HDAC9: variants seen among roughly 807,000 people sequenced by gnomAD.
HDAC9 encodes the protein histone deacetylase 9, also known as MEF-2 interacting transcription repressor (MITR) protein.
HDAC9 carries 41 observed loss-of-function variants against 139.4 expected under a neutral mutation model. The observed-to-expected ratio is 0.29, with a 90% confidence interval of 0.23 to 0.38. HDAC9 has a LOEUF of 0.38. Among genes scored for constraint, HDAC9 ranks in the 10% least tolerant of loss-of-function variants. The pLI is 1.00. For missense variants in HDAC9, 1,147 were observed against 1,297.0 expected (o/e 0.88, Z 1.78); for synonymous variants, 517 against 476.2 (o/e 1.09, Z -1.12).
chr7:18,528,288 C>G (rs945297357), intron 2 of HDAC9, among the ~76,000 whole-genome samples: 1 of 149,760 alleles, frequency 6.7e-6, no homozygotes, highest in East Asian at 1.9e-4. Context: ...AATTAATTTG[C>G]TTATTTTTCA....
chr7:18,695,433 A>C (rs1172792963), intron 12 of HDAC9, among the ~76,000 whole-genome samples: 1 of 152,224 alleles, frequency 6.6e-6, no homozygotes. Context: ...TTTATATGAC[A>C]CAGTCCATGT....
At chr7:18,559,519 G>C (rs1050608288) in intron 2 of HDAC9, among the ~76,000 whole-genome samples, 9 of 152,148 alleles carry the variant, frequency 5.9e-5, no homozygotes, top group Admixed American at 6.5e-5. Context: ...TGAGGAGGAG[G>C]GGGTAGGGAC....
At chr7:18,972,156 G>T (rs1378499237) in intron 24 of HDAC9, among the ~76,000 whole-genome samples, 1 of 152,114 alleles carries the variant, frequency 6.6e-6, no homozygotes, top group Non-Finnish European at 1.5e-5. Flanking sequence ...CAAATTTATT[G>T]TAACATCCAA....
intron 1 of HDAC9, among the ~76,000 whole-genome samples, chr7:18,408,513 A>C (rs1788231391): frequency 6.6e-6 from 1 of 152,226 alleles, no homozygotes; most frequent in South Asian, 2.1e-4. Context: ...AAAGGAAAAT[A>C]GCTCTTCCTG....
intron 6 of HDAC9, among the ~76,000 whole-genome samples, chr7:18,601,011 C>T (rs990870139): frequency 1.3e-5 from 2 of 152,046 alleles, no homozygotes; most frequent in African/African-American, 2.4e-5. Context: ...GCTATGTTGA[C>T]CAAGTTACTT....
intron 21 of HDAC9, among the ~76,000 whole-genome samples, chr7:18,862,816 G>A (rs1030880655): frequency 1.3e-5 from 2 of 152,016 alleles, no homozygotes; most frequent in African/African-American, 2.4e-5. Flanking sequence ...GAATTATGAA[G>A]ACAGAAAGAG....
intron 24 of HDAC9, among the ~76,000 whole-genome samples, chr7:18,963,617 C>G (rs1233081632): frequency 6.6e-6 from 1 of 152,098 alleles, no homozygotes; most frequent in Admixed American, 6.6e-5. Flanking sequence ...CATTTATTTT[C>G]ACTTCTTCAT....
intron 11 of HDAC9, among the ~76,000 whole-genome samples, chr7:18,654,452 C>T (rs1217380493): frequency 3.3e-5 from 5 of 152,040 alleles, no homozygotes; most frequent in Non-Finnish European, 5.9e-5. Flanking sequence ...AGAATTCTTA[C>T]GTCTATCTTC....
At chr7:18,486,883 G>T (rs1796013633) in intron 1 of HDAC9, among the ~76,000 whole-genome samples, 1 of 152,068 alleles carries the variant, frequency 6.6e-6, no homozygotes, top group South Asian at 2.1e-4. Flanking sequence ...AAATAAGTAT[G>T]AATGGAAGTG....
At position 18,180,265 on chromosome 7, in the gene HDAC9, A is replaced by ACACCCCCC. The variant is rs568367952; in HGVS notation, c.25+17919_25+17920insCCCCCCAC. Among the ~76,000 whole-genome samples, 662 of 151,326 alleles carry ACACCCCCC rather than the reference A, an allele frequency of 4.4e-3. 4 individuals carry two copies. The highest frequency in any genetic ancestry group is 6.7e-3 in the Non-Finnish European group (457 of 67,794). Reference sequence around the variant, plus strand: ...CACACACACACACACACACACACACACACACACACCACATTCTTAACCTAT... The same window carrying ACACCCCCC: ...CACACACACACACACACACACACACACACCCCCCCACACACACCACATTCTTAACCTAT... On this transcript the variant is annotated intron_variant, in intron 2 of 12. Transcript: ENST00000417496.
intron 13 of HDAC9, among the ~76,000 whole-genome samples, chr7:18,733,845 C>G (rs1786631288): frequency 6.6e-6 from 1 of 152,022 alleles, no homozygotes; most frequent in African/African-American, 2.4e-5. Context: ...GGGTTTAGCA[C>G]TGAAGAGTAG....
intron 8 of HDAC9, among the ~76,000 whole-genome samples, chr7:18,636,211 A>C (rs947539169): frequency 2.0e-5 from 3 of 152,074 alleles, no homozygotes; most frequent in African/African-American, 7.2e-5. Flanking sequence ...TCCTGCAAAC[A>C]CTAAGCTGAC....
intron 1 of HDAC9, among the ~76,000 whole-genome samples, chr7:18,418,822 CTATG>C (rs1200922484): frequency 6.6e-6 from 1 of 151,952 alleles, no homozygotes; most frequent in Non-Finnish European, 1.5e-5. Flanking sequence ...GGGGTGCATG[CTATG>C]TGGAGTCCCC....
intron 1 of HDAC9, among the ~76,000 whole-genome samples, chr7:18,156,236 G>A (rs1448473221): frequency 1.3e-5 from 2 of 152,162 alleles, no homozygotes; most frequent in Non-Finnish European, 2.9e-5. Flanking sequence ...AGGTGAGAGA[G>A]AAACGGAATC....
At chr7:18,246,783 G>A (rs1794568417) in intron 2 of HDAC9, among the ~76,000 whole-genome samples, 1 of 152,146 alleles carries the variant, frequency 6.6e-6, no homozygotes, top group Admixed American at 6.5e-5. Context: ...AGAGTAGGTC[G>A]TATGTGTGAG....
At chr7:18,508,365 A>G (rs1323017611) in intron 2 of HDAC9, among the ~76,000 whole-genome samples, 1 of 152,226 alleles carries the variant, frequency 6.6e-6, no homozygotes, top group Non-Finnish European at 1.5e-5. Flanking sequence ...AAAATAGATT[A>G]GGAATGGTCT....
chr7:18,572,952 A>G (rs1419150534), intron 2 of HDAC9, among the ~76,000 whole-genome samples: 1 of 152,248 alleles, frequency 6.6e-6, no homozygotes, highest in Non-Finnish European at 1.5e-5. Flanking sequence ...GCATATTTGC[A>G]GACAGGGAGT....
intron 24 of HDAC9, among the ~76,000 whole-genome samples, chr7:18,974,485 T>C (rs1301208705): frequency 1.3e-5 from 2 of 152,224 alleles, no homozygotes; most frequent in South Asian, 2.1e-4. Context: ...GTCCTCGACA[T>C]GTGGAAAAGC....
At chr7:18,748,915 A>C (rs1280588710) in intron 13 of HDAC9, 90 bp from the exon 14 acceptor site, 9 of 1,192,176 alleles carry the variant, frequency 7.5e-6, no homozygotes, top group Non-Finnish European at 1.1e-5. Context: ...AAGAATAATG[A>C]CTTTTTTGGA....
Sources: gnomAD v4.1 joint callset for allele counts (sites outside exome capture counted in the v4.1 genomes callset) on GRCh38, gnomAD v4.1.1 for gene constraint, MANE v1.5 for transcripts, NCBI Gene and HGNC (gene_info 2026-07-23, HGNC 2026-07-21) for gene names.